Variants in MTHFD2L observed in about 807,000 individuals in gnomAD.
The protein encoded by MTHFD2L is methylenetetrahydrofolate dehydrogenase (NADP+ dependent) 2 like, also known as bifunctional methylenetetrahydrofolate dehydrogenase/cyclohydrolase 2, mitochondrial.
In MTHFD2L, 29 loss-of-function variants were observed where a neutral mutation model predicts 34.9. The ratio of observed to expected loss-of-function variants is 0.83; its 90% CI spans 0.62 to 1.13. The LOEUF is 1.13. MTHFD2L is among the 50% of genes most tolerant of loss of function. MTHFD2L has a pLI of 0.00. For synonymous variants in MTHFD2L, 167 were observed against 155.7 expected (o/e 1.07, Z -0.54); for missense variants, 481 against 446.5 (o/e 1.08, Z -0.70).
intron 1 of MTHFD2L, among the ~76,000 whole-genome samples, chr4:74,173,697 T>G (rs766558993): frequency 7.9e-5 from 12 of 152,190 alleles, no homozygotes; most frequent in Non-Finnish European, 1.6e-4. Flanking sequence ...TCAAGATGGT[T>G]GCCAGTTTTA....
chr4:74,135,192 T>C (rs1298049461), intron 1 of MTHFD2L, among the ~76,000 whole-genome samples: 1 of 151,644 alleles, frequency 6.6e-6, no homozygotes, highest in Non-Finnish European at 1.5e-5. Flanking sequence ...AGCATAAAGA[T>C]AAAACTGTAA....
intron 6 of MTHFD2L, among the ~76,000 whole-genome samples, chr4:74,276,817 A>G (rs1368938175): frequency 6.6e-6 from 1 of 152,304 alleles, no homozygotes; most frequent in East Asian, 1.9e-4. Context: ...TGTTTGTCAT[A>G]ATTCCAACCA....
At chr4:74,248,922 A>AGGTGT (rs1361705874) in intron 6 of MTHFD2L, among the ~76,000 whole-genome samples, 1 of 150,220 alleles carries the variant, frequency 6.7e-6, no homozygotes, top group Admixed American at 6.6e-5. Flanking sequence ...ATTTTGGAAT[A>AGGTGT]GGTGTGGTGT....
intron 7 of MTHFD2L, among the ~76,000 whole-genome samples, chr4:74,291,148 G>C (rs555535761): frequency 6.6e-6 from 1 of 150,474 alleles, no homozygotes; most frequent in African/African-American, 2.4e-5. Flanking sequence ...CTTCTGAGTA[G>C]CTGGGACTAC....
chr4:74,300,290 C>T (rs898065439), intron 7 of MTHFD2L, among the ~76,000 whole-genome samples: 4 of 151,962 alleles, frequency 2.6e-5, no homozygotes, highest in Admixed American at 2.0e-4. Flanking sequence ...CTGGACCTTT[C>T]TTCAAGTAAA....
chr4:74,281,497 T>A lies in MTHFD2L; in HGVS notation c.878T>A (p.Val293Asp). The A allele has an allele frequency of 1.2e-6, 2 of 1,612,714 alleles. No individual in the cohort carries two copies. The highest frequency in any genetic ancestry group is 1.7e-4 in the Middle Eastern group (1 of 6,044). ...GTAATTGATGTGGGTATCAACTATG[T>A]CCACGATCCAGTGACAGGAAAGACA... Reference protein sequence around the residue: ...AAVIDVGINYVHDPVTGKTKL... With the variant: ...AAVIDVGINYDHDPVTGKTKL... The change falls in exon 7 of 8, where the codon GTC (valine) becomes GAC (aspartate). Residue 293 changes from valine (V) to aspartate (D), a missense_variant. By Grantham distance (152) the Val-to-Asp change is radical (BLOSUM62 -3). Transcript: ENST00000325278.
At chr4:74,169,351 A>AC (rs1727418923) in intron 1 of MTHFD2L, among the ~76,000 whole-genome samples, 1 of 152,192 alleles carries the variant, frequency 6.6e-6, no homozygotes, top group South Asian at 2.1e-4. Context: ...GCAGATTTGT[A>AC]CTGTCTAGGA....
intron 3 of MTHFD2L, among the ~76,000 whole-genome samples, chr4:74,181,078 G>T (rs990319735): frequency 1.3e-5 from 2 of 151,998 alleles, no homozygotes; most frequent in African/African-American, 4.8e-5. Flanking sequence ...TTTCAAACTA[G>T]AATAATAAAA....
chr4:74,166,465 T>G (rs1177761974), intron 1 of MTHFD2L, among the ~76,000 whole-genome samples: 1 of 152,280 alleles, frequency 6.6e-6, no homozygotes, highest in Non-Finnish European at 1.5e-5. Context: ...ATTAGTTTAC[T>G]TCTTCCCTTC....
intron 5 of MTHFD2L, among the ~76,000 whole-genome samples, chr4:74,203,261 T>A (rs1024365764): frequency 6.6e-6 from 1 of 151,484 alleles, no homozygotes; most frequent in Non-Finnish European, 1.5e-5. Flanking sequence ...GTTTTCATGG[T>A]ACCCATCTCC....
intron 6 of MTHFD2L, among the ~76,000 whole-genome samples, chr4:74,270,929 G>A (rs1745898383): frequency 6.6e-6 from 1 of 152,076 alleles, no homozygotes; most frequent in Non-Finnish European, 1.5e-5. Context: ...CAGTGAGGAT[G>A]AGCATTTTTT....
At chr4:74,200,040 G>A (rs1216282613) in intron 4 of MTHFD2L, 94 bp downstream of exon 4, 3 of 1,138,510 alleles carry the variant, frequency 2.6e-6, no homozygotes, top group African/African-American at 3.1e-5. Flanking sequence ...GTCCTATAGA[G>A]TGACAGAAAA....
At chr4:74,300,476 C>G (rs1374900948) in intron 7 of MTHFD2L, among the ~76,000 whole-genome samples, 1 of 151,978 alleles carries the variant, frequency 6.6e-6, no homozygotes, top group Non-Finnish European at 1.5e-5. Context: ...ATGCAGAAGT[C>G]TATATGAGCT....
intron 1 of MTHFD2L, among the ~76,000 whole-genome samples, chr4:74,150,519 C>T (rs1454398030): frequency 6.6e-6 from 1 of 152,146 alleles, no homozygotes; most frequent in Non-Finnish European, 1.5e-5. Flanking sequence ...TTCCCAAAGT[C>T]CTGGGATTAC....
At chr4:74,202,897 C>T (rs1048791321) in intron 5 of MTHFD2L, among the ~76,000 whole-genome samples, 7 of 152,094 alleles carry the variant, frequency 4.6e-5, no homozygotes, top group African/African-American at 1.2e-4. Flanking sequence ...CATGCACACA[C>T]ACAGCATATA....
chr4:74,280,630 GTT>G (rs11299871), intron 6 of MTHFD2L, among the ~76,000 whole-genome samples: 3,649 of 148,058 alleles, frequency 0.025, 117 homozygotes, highest in African/African-American at 0.081. Context: ...ATTGTTCAAT[GTT>G]TTTTTTTTTT....
chr4:74,177,969 T>G (rs1396975088), intron 3 of MTHFD2L, among the ~76,000 whole-genome samples: 1 of 151,980 alleles, frequency 6.6e-6, no homozygotes, highest in Non-Finnish European at 1.5e-5. Flanking sequence ...GAACCTGAAG[T>G]GTATTATACT....
chr4:74,220,790 G>T (rs1738038107), intron 5 of MTHFD2L, among the ~76,000 whole-genome samples: 1 of 150,956 alleles, frequency 6.6e-6, no homozygotes, highest in South Asian at 2.1e-4. Context: ...TTAATTTATT[G>T]AATTATCTCA....
intron 7 of MTHFD2L, 138 bp from the exon 8 acceptor site, chr4:74,301,559 C>G (rs1578772004): frequency 2.3e-5 from 12 of 510,692 alleles, no homozygotes; most frequent in Admixed American, 7.3e-5. Context: ...GTGTGTGTGT[C>G]TGTTTATTAC....
Sources: gnomAD v4.1 joint callset for allele counts (sites outside exome capture counted in the v4.1 genomes callset) on GRCh38, gnomAD v4.1.1 for gene constraint, MANE v1.5 for transcripts, NCBI Gene and HGNC (gene_info 2026-07-23, HGNC 2026-07-21) for gene names.